Variants in COL15A1 observed in about 807,000 individuals in gnomAD.
COL15A1 encodes the protein collagen alpha-1(XV) chain.
COL15A1 carries 111 observed loss-of-function variants against 165.9 expected under a neutral mutation model. That is an observed-to-expected ratio of 0.67 (90% CI 0.57 to 0.78). The LOEUF is 0.78. COL15A1 is among the 30% of genes least tolerant of loss of function. The pLI, the probability that COL15A1 is intolerant of heterozygous loss-of-function variation, is 0.00. For synonymous variants in COL15A1, 659 were observed against 674.8 expected, an observed-to-expected ratio of 0.98 and a Z score of 0.36; for missense variants, 1,745 against 1,789.7, an observed-to-expected ratio of 0.98 and a Z score of 0.45.
At chr9:98,980,760 A>G (rs1838226054) in intron 2 of COL15A1, among the ~76,000 whole-genome samples, 1 of 152,266 alleles carries the variant, frequency 6.6e-6, no homozygotes, top group Admixed American at 6.5e-5. Flanking sequence ...GAAATTTGCT[A>G]TAAAGAAAAA....
chr9:98,952,395 A>T (rs903904723), intron 2 of COL15A1, among the ~76,000 whole-genome samples: 4 of 152,184 alleles, frequency 2.6e-5, no homozygotes, highest in African/African-American at 9.7e-5. Flanking sequence ...ATTGGATAAA[A>T]ATTTATTTCC....
In COL15A1 at chr9:99,024,950, C is replaced by T; in HGVS notation, c.1931C>T (p.Pro644Leu). The T allele has an allele frequency of 6.2e-7, 1 of 1,613,938 alleles. No individual in the cohort carries two copies. The highest frequency in any genetic ancestry group is 8.5e-7 in the Non-Finnish European group (1 of 1,179,862). Reference sequence around the variant, plus strand: ...CCAGGAACTGATGTTTTCATGGGACCCCCTGGATCTCCTGGAGAGGATGGA... The same window carrying T: ...CCAGGAACTGATGTTTTCATGGGACTCCCTGGATCTCCTGGAGAGGATGGA... ...GKPGTDVFMG[P>L]PGSPGEDGPA... Residue 644 changes from proline to leucine, a missense_variant, in exon 15 of 42, where the codon CCC (proline) becomes CTC (leucine). By Grantham distance (98) the Pro-to-Leu change is moderately conservative (BLOSUM62 -3). Transcript: ENST00000375001.
chr9:98,959,403 T>C (rs1837831743), intron 2 of COL15A1, among the ~76,000 whole-genome samples: 1 of 151,716 alleles, frequency 6.6e-6, no homozygotes, highest in Non-Finnish European at 1.5e-5. Flanking sequence ...TCTTTCCAAG[T>C]TATGAAAAAT....
intron 28 of COL15A1, among the ~76,000 whole-genome samples, chr9:99,048,409 G>T (rs1839529478): frequency 6.6e-6 from 1 of 152,160 alleles, no homozygotes; most frequent in Admixed American, 6.5e-5. Flanking sequence ...AGCTACTTAG[G>T]TGGGGCCTCC....
At chr9:98,966,695 C>T (rs1443462350) in intron 2 of COL15A1, among the ~76,000 whole-genome samples, 6 of 149,674 alleles carry the variant, frequency 4.0e-5, no homozygotes, top group Admixed American at 4.0e-4. Context: ...CGAGGGCAGC[C>T]ATTTTGCAGA....
intron 39 of COL15A1, among the ~76,000 whole-genome samples, chr9:99,064,870 A>G (rs1189873330): frequency 6.6e-6 from 1 of 152,196 alleles, no homozygotes; most frequent in Admixed American, 6.5e-5. Context: ...GGCAGTAGCT[A>G]AAGGATTTTT....
intron 16 of COL15A1, among the ~76,000 whole-genome samples, chr9:99,030,984 A>T (rs1036199580): frequency 6.6e-6 from 1 of 152,314 alleles, no homozygotes; most frequent in Middle Eastern, 3.4e-3. Context: ...GTGGAAGGTC[A>T]CACTTAGTTT....
Position 99,054,453 on chromosome 9 carries a change from G to T in COL15A1, c.2951-123G>T, listed in dbSNP as rs1825681322. ...TGATTTTACACTTGCTGATCTCTCA[G>T]GAGGGCTTTGTTTGAGTGGACTTTG... On this transcript the variant is annotated intron_variant, in intron 31 of 41. Coordinates refer to ENST00000375001, the MANE Select transcript of COL15A1 (RefSeq NM_001855.5). 4.0e-6 allele frequency: 4 copies of T among 1,005,152 alleles called. No homozygotes were observed. The Admixed American group carries it at 1.2e-4, about 30-fold the overall frequency. 62.3% of individuals were successfully genotyped at this position (1,005,152 alleles called of 1,614,324 possible). A position where few individuals can be genotyped will look rare whatever the true frequency, so the allele number is the denominator to read the frequency against.
At chr9:98,976,579 C>A (rs184933343) in intron 2 of COL15A1, among the ~76,000 whole-genome samples, 65 of 152,270 alleles carry the variant, frequency 4.3e-4, no homozygotes, top group African/African-American at 1.5e-3. Context: ...GCAGTGAGGT[C>A]ACTGTTGGAT....
chr9:98,986,820 A>C (rs1230266353), intron 3 of COL15A1, among the ~76,000 whole-genome samples: 2 of 152,240 alleles, frequency 1.3e-5, no homozygotes, highest in African/African-American at 4.8e-5. Context: ...CAATTTTTAA[A>C]TGCTCACTTT....
intron 14 of COL15A1, among the ~76,000 whole-genome samples, 160 bp from the exon 15 acceptor site, chr9:99,024,714 G>A (rs1342433498): frequency 2.6e-5 from 4 of 152,164 alleles, no homozygotes; most frequent in East Asian, 1.9e-4. Context: ...CCCTTGAGTC[G>A]CATGGTCTCA....
At chr9:98,996,782 A>G (rs1418400642) in intron 5 of COL15A1, 152 bp from the exon 6 acceptor site, 1 of 1,125,568 alleles carries the variant, frequency 8.9e-7, no homozygotes. Flanking sequence ...AGGTGCAGCC[A>G]TTGCCCAGGT....
intron 2 of COL15A1, among the ~76,000 whole-genome samples, chr9:98,969,717 G>T (rs1487253393): frequency 6.6e-6 from 1 of 152,232 alleles, no homozygotes; most frequent in Non-Finnish European, 1.5e-5. Flanking sequence ...ATAAGGGTGT[G>T]CTTCCTGGAG....
Position 99,016,019 on chromosome 9 carries a change from A to G in COL15A1, c.1547A>G (p.Glu516Gly). ...EEDLAAATTE[E>G]PLITAGGEES... ...GACTTGGCAGCAGCCACAACAGAGG[A>G]GCCCCTCATCACAGCTGGGGGTGAA... The change falls in exon 11 of 42, where the codon GAG (glutamate) becomes GGG (glycine). Residue 516 changes from glutamate (E) to glycine (G), a missense_variant. Transcript: ENST00000375001. 1 of 1,614,044 alleles carries G rather than the reference A, an allele frequency of 6.2e-7. No homozygotes were observed. The highest frequency in any genetic ancestry group is 8.5e-7 in the Non-Finnish European group (1 of 1,179,972).
intron 31 of COL15A1, among the ~76,000 whole-genome samples, chr9:99,053,567 T>A (rs1247465810): frequency 6.6e-6 from 1 of 152,228 alleles, no homozygotes; most frequent in Non-Finnish European, 1.5e-5. Context: ...ACTGCTCCGG[T>A]TGGTGCTGGT....
At chr9:98,956,378 A>G (rs1317426384) in intron 2 of COL15A1, among the ~76,000 whole-genome samples, 2 of 152,286 alleles carry the variant, frequency 1.3e-5, no homozygotes, top group East Asian at 3.9e-4. Flanking sequence ...TAATAATTAT[A>G]TAGTGCTTTT....
intron 8 of COL15A1, among the ~76,000 whole-genome samples, chr9:99,003,840 AG>A (rs1395299033): frequency 1.3e-5 from 2 of 152,226 alleles, no homozygotes; most frequent in Non-Finnish European, 2.9e-5. Flanking sequence ...TCCTGAAGAC[AG>A]GGTGGTAAGA....
rs532617820 is a variant in COL15A1, at chr9:99,049,318, T to C, written c.2794-372T>C. Among the ~76,000 whole-genome samples the C allele has an allele frequency of 3.3e-3, 508 of 152,348 alleles. 1 individual carries two copies. The highest frequency in any genetic ancestry group is 6.0e-3 in the Non-Finnish European group (406 of 68,040). On this transcript the variant is annotated intron_variant, in intron 28 of 41. Coordinates refer to ENST00000375001, the MANE Select transcript of COL15A1 (RefSeq NM_001855.5). ...CCCCCACAGTCCATTCCCACCCGTATACTGGGAATGCACTGATAGGGGAGC... is the reference window on the plus strand; with the variant it reads ...CCCCCACAGTCCATTCCCACCCGTACACTGGGAATGCACTGATAGGGGAGC...
At chr9:98,989,284 T>C in intron 5 of COL15A1, 26 bp downstream of exon 5, 2 of 1,582,002 alleles carry the variant, frequency 1.3e-6, no homozygotes, top group Non-Finnish European at 1.7e-6. Context: ...CTGTGCCATG[T>C]GATCTTGCTC....
Sources: gnomAD v4.1 joint callset for allele counts (sites outside exome capture counted in the v4.1 genomes callset) on GRCh38, gnomAD v4.1.1 for gene constraint, MANE v1.5 for transcripts, NCBI Gene and HGNC (gene_info 2026-07-23, HGNC 2026-07-21) for gene names.